The following ADCY8 variants were observed in gnomAD, a reference collection of about 807,000 sequenced individuals.
ADCY8 encodes adenylate cyclase type 8.
A neutral mutation model predicts 119.7 loss-of-function variants in ADCY8; 51 were observed. The ratio of observed to expected loss-of-function variants is 0.43; its 90% CI spans 0.34 to 0.54. The LOEUF is 0.54. Ranked by LOEUF, ADCY8 falls within the 20% of genes least tolerant of loss-of-function variation. The probability of loss-of-function intolerance (pLI) is 0.03; values close to 1 mark genes in which losing one functional copy is unlikely to be tolerated. For missense variants in ADCY8, 1,383 were observed against 1,598.8 expected, an observed-to-expected ratio of 0.87 and a Z score of 2.30; for synonymous variants, 665 against 651.0, an observed-to-expected ratio of 1.02 and a Z score of -0.33.
intron 11 of ADCY8, among the ~76,000 whole-genome samples, chr8:130,846,605 C>CCCTTCCTTCCTTTT (rs1193077266): frequency 2.3e-5 from 3 of 131,282 alleles, no homozygotes; most frequent in Non-Finnish European, 4.9e-5. Context: ...CTTCCTCCCT[C>CCCTTCCTTCCTTTT]CCTTCCTTCC....
chr8:131,007,509 C>T (rs973603205), intron 1 of ADCY8, among the ~76,000 whole-genome samples: 1 of 152,128 alleles, frequency 6.6e-6, no homozygotes, highest in African/African-American at 2.4e-5. Context: ...TTCTCTCCCC[C>T]ACCAAAAAAA....
chr8:130,787,662 G>A (rs191549782), intron 15 of ADCY8, among the ~76,000 whole-genome samples: 2 of 142,006 alleles, frequency 1.4e-5, no homozygotes. Context: ...CATGTGTGAT[G>A]TTTATGTGCA....
chr8:130,992,422 T>C (rs1822621651), intron 1 of ADCY8, among the ~76,000 whole-genome samples: 2 of 131,752 alleles, frequency 1.5e-5, no homozygotes, highest in Non-Finnish European at 3.2e-5. Context: ...TATATATATA[T>C]ATATATATTT....
chr8:130,780,558 G>T lies in ADCY8; in HGVS notation c.3588C>A (p.Val1196=). ...TATTGAGGGACTGGACAAGTCCCAG[G>T]ACAACCGCGGCCAGGGAGTACTGCC... ...LPGQYSLAAV[V]LGLVQSLNRQ... The change falls in exon 18 of 18, where the codon GTC becomes GTA. Residue 1196 remains valine (V), a synonymous_variant. Coordinates refer to ENST00000286355, the MANE Select transcript of ADCY8 (RefSeq NM_001115.3). 1.2e-6 allele frequency: 2 copies of T among 1,614,148 alleles called. No individual in the cohort carries two copies. Among genetic ancestry groups the T allele is most frequent in the Non-Finnish European group, 1.7e-6 (2 of 1,180,016 alleles).
At chr8:130,785,321 CG>C in intron 16 of ADCY8, 61 bp downstream of exon 16, 1 of 1,179,650 alleles carries the variant, frequency 8.5e-7, no homozygotes, top group Non-Finnish European at 1.2e-6. Context: ...TCACCACCGT[CG>C]GTGACATGAC....
intron 1 of ADCY8, among the ~76,000 whole-genome samples, chr8:131,009,399 C>T (rs572109244): frequency 6.6e-6 from 1 of 152,292 alleles, no homozygotes; most frequent in East Asian, 1.9e-4. Flanking sequence ...GTGGTTTCCC[C>T]CTTTTCCCCA....
intron 7 of ADCY8, among the ~76,000 whole-genome samples, chr8:130,887,436 G>A (rs1050713109): frequency 3.3e-5 from 5 of 152,122 alleles, no homozygotes; most frequent in Non-Finnish European, 5.9e-5. Context: ...TAATGTGGTG[G>A]AGAATTCTTT....
rs6982297 is a variant in ADCY8 at position 130,845,832 on chromosome 8, G to A, written c.2502+1592C>T. On this transcript the variant is annotated intron_variant, in intron 11 of 17. Transcript: ENST00000286355. Reference sequence around the variant, plus strand: ...ATTATAGTATCAAGCCTTGATAATTGAATTAATAAAAGAAGGAAGGAAGGA... The same window carrying A: ...ATTATAGTATCAAGCCTTGATAATTAAATTAATAAAAGAAGGAAGGAAGGA... Among the ~76,000 whole-genome samples, 651 of 152,112 alleles carry A rather than the reference G, an allele frequency of 4.3e-3. 6 individuals carry two copies. Among genetic ancestry groups the A allele is most frequent in the African/African-American group, 0.014 (596 of 41,502 alleles).
chr8:130,827,648 C>T (rs921135643), intron 12 of ADCY8, among the ~76,000 whole-genome samples: 15 of 152,188 alleles, frequency 9.9e-5, no homozygotes, highest in Non-Finnish European at 5.9e-5. Flanking sequence ...TCCTAAACCA[C>T]TTGTGTATGT....
chr8:130,802,702 C>T (rs1323833612), intron 14 of ADCY8, among the ~76,000 whole-genome samples: 1 of 152,242 alleles, frequency 6.6e-6, no homozygotes, highest in Non-Finnish European at 1.5e-5. Context: ...TGTAGGTGCT[C>T]TGCCTGCATC....
At chr8:130,843,202 CTT>C (rs745593268) in intron 11 of ADCY8, among the ~76,000 whole-genome samples, 11 of 152,210 alleles carry the variant, frequency 7.2e-5, no homozygotes, top group Admixed American at 3.3e-4. Flanking sequence ...TGAAGCAAGA[CTT>C]TTCTGAATAC....
intron 1 of ADCY8, among the ~76,000 whole-genome samples, chr8:131,008,794 T>G (rs1201643297): frequency 6.6e-6 from 1 of 152,142 alleles, no homozygotes; most frequent in Admixed American, 6.5e-5. Flanking sequence ...TGACCAAAAT[T>G]CTGATAGTGA....
intron 14 of ADCY8, among the ~76,000 whole-genome samples, chr8:130,801,000 C>T (rs1295505109): frequency 6.6e-6 from 1 of 152,148 alleles, no homozygotes; most frequent in African/African-American, 2.4e-5. Context: ...TAATCACCTC[C>T]CAAATTTCCC....
At chr8:130,965,595 A>T (rs752341606) in intron 2 of ADCY8, among the ~76,000 whole-genome samples, 1 of 152,246 alleles carries the variant, frequency 6.6e-6, no homozygotes, top group Non-Finnish European at 1.5e-5. Flanking sequence ...TTCTTACAAC[A>T]TACTAATAGC....
intron 5 of ADCY8, among the ~76,000 whole-genome samples, chr8:130,915,310 A>G (rs961272821): frequency 3.9e-5 from 6 of 152,174 alleles, no homozygotes; most frequent in Non-Finnish European, 8.8e-5. Context: ...AAATGCTTCA[A>G]AGGGTTCTTT....
At chr8:130,932,714 A>C (rs1396359463) in intron 5 of ADCY8, among the ~76,000 whole-genome samples, 1 of 152,208 alleles carries the variant, frequency 6.6e-6, no homozygotes, top group Non-Finnish European at 1.5e-5. Flanking sequence ...CTGTTAGAGA[A>C]TAATCACAAG....
intron 8 of ADCY8, among the ~76,000 whole-genome samples, chr8:130,880,476 A>G (rs1369450): frequency 6.6e-6 from 1 of 152,018 alleles, no homozygotes; most frequent in Admixed American, 6.6e-5. Context: ...TTTTCTACAT[A>G]TCTTTACCAT....
At chr8:130,785,978 T>C (rs1404710674) in intron 15 of ADCY8, among the ~76,000 whole-genome samples, 1 of 152,232 alleles carries the variant, frequency 6.6e-6, no homozygotes, top group Non-Finnish European at 1.5e-5. Context: ...TACTCTTCCC[T>C]GGGACAAGTG....
chr8:131,003,867 A>G lies in ADCY8; in HGVS notation c.961-13325T>C, dbSNP rs563955408. Among the ~76,000 whole-genome samples the G allele has an allele frequency of 9.9e-5, 15 of 152,040 alleles. No homozygotes were observed. In the South Asian group the frequency reaches 3.1e-3, roughly 32 times the overall value. ...TACATTTTTAAAGAAGTGTGGGAGA[A>G]GAAGGAGGAGGTGGAGGAGGAGAAG... On this transcript the variant is annotated intron_variant, in intron 1 of 17. Coordinates refer to ENST00000286355, the MANE Select transcript of ADCY8 (RefSeq NM_001115.3).
Sources: allele counts gnomAD v4.1 joint callset (sites outside exome capture counted in the v4.1 genomes callset), GRCh38; gene constraint gnomAD v4.1.1; transcripts MANE v1.5; gene names NCBI Gene and HGNC (gene_info 2026-07-23, HGNC 2026-07-21).